Variants in TMEM63A observed in about 807,000 individuals in gnomAD.
TMEM63A encodes the protein transmembrane protein 63A.
In TMEM63A, 76 loss-of-function variants were observed where a neutral mutation model predicts 100.6. That is an observed-to-expected ratio of 0.76 (90% CI 0.63 to 0.91). The LOEUF (loss-of-function observed/expected upper bound fraction) is 0.91. Among genes scored for constraint, TMEM63A ranks in the 40% least tolerant of loss-of-function variants. TMEM63A has a pLI of 0.00. For synonymous variants in TMEM63A, 401 were observed against 401.1 expected (o/e 1.00, Z 0.00); for missense variants, 876 against 1,008.8 (o/e 0.87, Z 1.78).
Position 225,855,928 on chromosome 1 carries a change from G to A in TMEM63A, c.1584C>T (p.Phe528=), listed in dbSNP as rs749293204. The A allele has an allele frequency of 1.2e-6, 2 of 1,614,046 alleles. No individual in the cohort carries two copies. Among genetic ancestry groups the A allele is most frequent in the Admixed American group, 3.3e-5 (2 of 59,986 alleles). Residue 528 remains phenylalanine, a synonymous_variant, in exon 18 of 25, where the codon TTC becomes TTT. Transcript: ENST00000366835. ...PSLGLTSLDF[F]FRWLFDKTSS... is the part of the protein sequence containing the mutation. ...AAGTTTTGTCAAAGAGCCACCGGAA[G>A]AAAAAATCTAGACTGAAAAACAAAG...
chr1:225,871,045 C>G (rs757101596), intron 6 of TMEM63A, 31 bp downstream of exon 6: 1 of 1,612,126 alleles, frequency 6.2e-7, no homozygotes, highest in Non-Finnish European at 8.5e-7. Flanking sequence ...AGCCCAAAGG[C>G]CCCCCAGCAG....
Position 225,848,490 on chromosome 1 carries a change from A to G in TMEM63A, c.2250+2T>C, listed in dbSNP as rs1244934386. ...GCTCAGAGGCTGAGGGGCACAGCTT[A>G]CTGTGAACGGTGGGGGCATGTGGGC... On this transcript the variant is annotated splice_donor_variant, in intron 23 of 24. Coordinates refer to ENST00000366835, the MANE Select transcript of TMEM63A (RefSeq NM_014698.3). LOFTEE classifies it high-confidence loss of function. 4.3e-6 allele frequency: 7 copies of G among 1,614,018 alleles called. No homozygotes were observed. The African/African-American group carries it at 9.3e-5, about 22-fold the overall frequency.
At chr1:225,864,773 A>C (rs1394917628) in intron 10 of TMEM63A, 1 of 152,254 alleles carries the variant, frequency 6.6e-6, no homozygotes, top group African/African-American at 2.4e-5. Context: ...TGCAAAGTTA[A>C]AGTGCAGCCA....
chr1:225,849,762 G>A, intron 21 of TMEM63A, 150 bp downstream of exon 21: 3 of 991,722 alleles, frequency 3.0e-6, no homozygotes, highest in Non-Finnish European at 2.9e-6. Context: ...ACCACGTTCT[G>A]ATGGGACACC....
chr1:225,864,765 C>G (rs542714898), intron 10 of TMEM63A: 12 of 152,204 alleles, frequency 7.9e-5, no homozygotes, highest in Non-Finnish European at 1.5e-4. Context: ...ACAAATAGTG[C>G]AAAGTTAAAG....
downstream of TMEM63A, chr1:225,844,619 G>A (rs372126796): frequency 6.2e-7 from 1 of 1,614,066 alleles, no homozygotes; most frequent in Non-Finnish European, 8.5e-7. Context: ...CCAGAAGCAT[G>A]AGCGGTGAGC....
At position 225,865,881 on chromosome 1, in the gene TMEM63A, C is replaced by T. The variant is rs781763412; in HGVS notation, c.746+16G>A. 6.2e-7 allele frequency: 1 copy of T among 1,613,466 alleles called. No individual in the cohort carries two copies. The highest frequency in any genetic ancestry group is 1.1e-5 in the South Asian group (1 of 90,986). The stretch of plus-strand genomic sequence containing the variant: ...CGTGGAGGGGGCTCAGCTCCCCTCC[C>T]ACCCCACCTGCTTACCGGAAGTGGC... On this transcript the variant is annotated intron_variant, in intron 10 of 24. Transcript: ENST00000366835. This position sits in a 1 kb window ranked among gnomAD's most constrained non-coding sequence, Gnocchi z 4.6.
Position 225,862,624 on chromosome 1 carries a change from G to T in TMEM63A, c.828-46C>A, listed in dbSNP as rs1670001253. The T allele has an allele frequency of 1.9e-6, 3 of 1,603,528 alleles. No individual in the cohort carries two copies. The South Asian group carries it at 3.3e-5, about 18-fold the overall frequency. The stretch of plus-strand genomic sequence containing the variant: ...GCACAAACCTCAGATTTAGAATCCT[G>T]TGGCAGGGACCCCCATACCCACAGT... On this transcript the variant is annotated intron_variant, in intron 11 of 24. Transcript: ENST00000366835. This position sits in a 1 kb window ranked among gnomAD's most constrained non-coding sequence, Gnocchi z 5.1.
intron 6 of TMEM63A, 106 bp from the exon 7 acceptor site, chr1:225,868,136 C>T (rs1397735010): frequency 1.3e-5 from 18 of 1,396,560 alleles, no homozygotes; most frequent in Middle Eastern, 2.2e-4. Context: ...ATGGTTCGAT[C>T]GCTATCCCCA....
At chr1:225,844,173 T>C (rs1668692530), downstream of TMEM63A, among the ~76,000 whole-genome samples, 1 of 151,692 alleles carries the variant, frequency 6.6e-6, no homozygotes, top group Non-Finnish European at 1.5e-5. Flanking sequence ...CCACAGTAGC[T>C]GGTGCCCTGA....
downstream of TMEM63A, among the ~76,000 whole-genome samples, chr1:225,842,127 T>C (rs867425598): frequency 2.6e-5 from 4 of 152,244 alleles, no homozygotes; most frequent in Non-Finnish European, 5.9e-5. Context: ...GAGCAGGCAG[T>C]GTGCCAGGCC....
chr1:225,869,666 C>CTTTT (rs10638876), intron 6 of TMEM63A, among the ~76,000 whole-genome samples: 35 of 109,908 alleles, frequency 3.2e-4, no homozygotes, highest in African/African-American at 8.5e-4. Context: ...CTTTTCTTTT[C>CTTTT]TTTTTTTTTT....
At chr1:225,868,725 GC>G (rs1380432774) in intron 6 of TMEM63A, among the ~76,000 whole-genome samples, 2 of 151,572 alleles carry the variant, frequency 1.3e-5, no homozygotes, top group Non-Finnish European at 2.9e-5. Flanking sequence ...TTGGGAATAT[GC>G]CCAGGCCCCA....
Position 225,847,158 on chromosome 1 carries a change from G to A in TMEM63A, c.2306C>T (p.Pro769Leu), listed in dbSNP as rs543585499. 55 of 1,612,926 alleles carry A rather than the reference G, an allele frequency of 3.4e-5. 1 individual carries two copies. The highest frequency in any genetic ancestry group is 5.5e-5 in the South Asian group (5 of 91,086). Residue 769 changes from proline to leucine, a missense_variant, in exon 24 of 25, where the codon CCG becomes CTG. Physicochemically the swap from Pro to Leu is moderately conservative, Grantham distance 98. Coordinates refer to ENST00000366835, the MANE Select transcript of TMEM63A (RefSeq NM_014698.3). ...GLASERTALS[P>L]QQQQQQTYGA... ...ATAGGTCTGCTGCTGCTGCTGCTGCGGAGACAGTGCTGTCCTCTCCGAGGC... is the reference window on the plus strand; with the variant it reads ...ATAGGTCTGCTGCTGCTGCTGCTGCAGAGACAGTGCTGTCCTCTCCGAGGC...
intron 14 of TMEM63A, chr1:225,859,588 G>A: frequency 1.9e-6 from 1 of 521,918 alleles, no homozygotes; most frequent in East Asian, 3.5e-5. Flanking sequence ...CCAAAGAGAT[G>A]GCATGAGCAC....
intron 18 of TMEM63A, among the ~76,000 whole-genome samples, chr1:225,854,731 A>G (rs1216832363): frequency 1.3e-5 from 2 of 152,130 alleles, no homozygotes; most frequent in Non-Finnish European, 2.9e-5. Context: ...TTGTCCGCAT[A>G]AGTTAATTCA....
chr1:225,855,892 G>A lies in TMEM63A; in HGVS notation c.1620C>T (p.Ala540=), dbSNP rs1445635436. ...RWLFDKTSSE[A]SIRLECVFLP... Reference sequence around the variant, plus strand: ...GCAATACTCACTCCAACCTGATGGAGGCCTCCGAGGAAGTTTTGTCAAAGA... The same window carrying A: ...GCAATACTCACTCCAACCTGATGGAAGCCTCCGAGGAAGTTTTGTCAAAGA... Residue 540 remains alanine (A), a synonymous_variant, in exon 18 of 25, where the codon GCC becomes GCT. Coordinates refer to ENST00000366835, the MANE Select transcript of TMEM63A (RefSeq NM_014698.3). 1.9e-6 allele frequency: 3 copies of A among 1,614,046 alleles called. No individual in the cohort carries two copies. Among genetic ancestry groups the A allele is most frequent in the Non-Finnish European group, 8.5e-7 (1 of 1,180,006 alleles).
intron 18 of TMEM63A, among the ~76,000 whole-genome samples, chr1:225,854,542 A>G (rs983347025): frequency 2.0e-5 from 3 of 152,222 alleles, no homozygotes; most frequent in Non-Finnish European, 2.9e-5. Flanking sequence ...TTGCCAAAAC[A>G]AGTAGAAAAA....
intron 20 of TMEM63A, among the ~76,000 whole-genome samples, chr1:225,850,338 G>A (rs1381758860): frequency 6.6e-6 from 1 of 151,984 alleles, no homozygotes; most frequent in Admixed American, 6.6e-5. Flanking sequence ...TTAAGATAAA[G>A]TTATAGGAAA....
Sources: allele counts gnomAD v4.1 joint callset (sites outside exome capture counted in the v4.1 genomes callset), GRCh38; gene constraint gnomAD v4.1.1; non-coding constraint Gnocchi (gnomAD v3.1); transcripts MANE v1.5; gene names NCBI Gene and HGNC (gene_info 2026-07-23, HGNC 2026-07-21).